The following MSH3 variants were observed in gnomAD, a reference collection of about 807,000 sequenced individuals.
MSH3 encodes DNA mismatch repair protein Msh3.
In MSH3, 106 loss-of-function variants were observed where a neutral mutation model predicts 123.3. That is an observed-to-expected ratio of 0.86 (90% CI 0.73 to 1.01). The LOEUF (loss-of-function observed/expected upper bound fraction) is 1.01, where lower values mean the gene tolerates loss of function less well. Ranked by LOEUF, MSH3 falls within the 50% of genes least tolerant of loss-of-function variation. The probability of loss-of-function intolerance (pLI) is 0.00; values close to 1 mark genes in which losing one functional copy is unlikely to be tolerated. For synonymous variants in MSH3, 515 were observed against 481.4 expected, an observed-to-expected ratio of 1.07 and a Z score of -0.91; for missense variants, 1,459 against 1,347.6, an observed-to-expected ratio of 1.08 and a Z score of -1.29.
intron 19 of MSH3, among the ~76,000 whole-genome samples, chr5:80,809,688 G>A (rs33000): frequency 0.85 from 128,728 of 152,166 alleles, 54,525 homozygotes; most frequent in East Asian, 1. Context: ...CTCTGGCATT[G>A]CATTCTTACA....
rs1561458052 is a variant in MSH3, at chr5:80,729,429, A to ATGTGTGTGTGTGTGT, written c.1568+464_1568+465insTGTGTGTGTGTGTGT. On this transcript the variant is annotated intron_variant, in intron 10 of 23. Transcript: ENST00000265081. ...ACTCCGTCCCAAAAAAAAAAAAAAA[A>ATGTGTGTGTGTGTGT]ATGTGTGTGTGTGTGTGTGTGTGTG... Among the ~76,000 whole-genome samples, 447 of 62,338 alleles carry ATGTGTGTGTGTGTGT rather than the reference A, an allele frequency of 7.2e-3. 3 individuals are homozygous for ATGTGTGTGTGTGTGT. The highest frequency in any genetic ancestry group is 0.03 in the African/African-American group (415 of 13,908). 40.9% of individuals were successfully genotyped at this position (62,338 alleles called of 152,430 possible).
intron 19 of MSH3, among the ~76,000 whole-genome samples, chr5:80,802,688 T>C (rs1164699710): frequency 6.6e-6 from 1 of 152,196 alleles, no homozygotes; most frequent in African/African-American, 2.4e-5. Flanking sequence ...TAACTATATG[T>C]TTGTACCCAA....
chr5:80,814,256 GTTATT>G (rs1408301241), intron 20 of MSH3, among the ~76,000 whole-genome samples: 2 of 151,774 alleles, frequency 1.3e-5, no homozygotes, highest in African/African-American at 2.4e-5. Context: ...TAATTATTGA[GTTATT>G]TTATTTTATT....
intron 8 of MSH3, among the ~76,000 whole-genome samples, chr5:80,720,403 T>A (rs1188792019): frequency 1.3e-5 from 2 of 152,196 alleles, no homozygotes; most frequent in African/African-American, 4.8e-5. Context: ...CTTTTGTATT[T>A]GTTACTTTCT....
rs569378496 is a variant in MSH3, at chr5:80,710,699, G to A, written c.1341-14754G>A. Among the ~76,000 whole-genome samples, 13 of 147,666 alleles carry A rather than the reference G, an allele frequency of 8.8e-5. No homozygotes were observed. The Middle Eastern group carries it at 0.011, about 122-fold the overall frequency. Reference sequence around the variant, plus strand: ...TCTGGGGTATAGTATGTGTAGATTCGTGGTAAAAAGACTTGGGATTGTGAG... The same window carrying A: ...TCTGGGGTATAGTATGTGTAGATTCATGGTAAAAAGACTTGGGATTGTGAG... On this transcript the variant is annotated intron_variant, in intron 8 of 23. Coordinates refer to ENST00000265081, the MANE Select transcript of MSH3 (RefSeq NM_002439.5).
At chr5:80,741,619 G>GT (rs1234235887) in intron 11 of MSH3, 71 bp downstream of exon 11, 2 of 1,024,142 alleles carry the variant, frequency 2.0e-6, no homozygotes, top group Non-Finnish European at 3.1e-6. Flanking sequence ...GCAGCAGTCT[G>GT]TTTTTAGAGG....
At chr5:80,851,816 A>G (rs532465302) in intron 20 of MSH3, among the ~76,000 whole-genome samples, 2 of 152,288 alleles carry the variant, frequency 1.3e-5, no homozygotes, top group African/African-American at 4.8e-5. Flanking sequence ...ATTAGCTAGC[A>G]TCTTTTTCAT....
chr5:80,691,887 G>GTGTATACGTTTATATAGATAAACA (rs1750267916), intron 8 of MSH3, among the ~76,000 whole-genome samples: 1 of 127,818 alleles, frequency 7.8e-6, no homozygotes, highest in Non-Finnish European at 1.6e-5. Flanking sequence ...ATAGATAAAC[G>GTGTATACGTTTATATAGATAAACA]TGTATATGTT....
intron 19 of MSH3, among the ~76,000 whole-genome samples, chr5:80,804,655 C>T (rs1286647262): frequency 6.6e-6 from 1 of 152,186 alleles, no homozygotes; most frequent in East Asian, 1.9e-4. Context: ...TGCTGAGCCA[C>T]CTAGAGCTGA....
intron 8 of MSH3, among the ~76,000 whole-genome samples, chr5:80,699,896 G>T (rs550927720): frequency 1.3e-5 from 2 of 152,116 alleles, no homozygotes; most frequent in East Asian, 1.9e-4. Flanking sequence ...CCCCTCTGGC[G>T]CTTGAAACCT....
At chr5:80,729,832 C>A (rs1378567209) in intron 10 of MSH3, among the ~76,000 whole-genome samples, 1 of 152,154 alleles carries the variant, frequency 6.6e-6, no homozygotes, top group Non-Finnish European at 1.5e-5. Context: ...TCACCAGCCC[C>A]TTGTCTTTGG....
chr5:80,781,478 CTTT>C (rs71659599), intron 17 of MSH3, among the ~76,000 whole-genome samples: 1 of 142,606 alleles, frequency 7.0e-6, no homozygotes, highest in Non-Finnish European at 1.5e-5. Flanking sequence ...TTACCAAGTT[CTTT>C]TTTTTTTTTT....
At chr5:80,753,362 C>A (rs1213376011) in intron 12 of MSH3, among the ~76,000 whole-genome samples, 3 of 152,160 alleles carry the variant, frequency 2.0e-5, no homozygotes, top group Admixed American at 6.6e-5. Flanking sequence ...CCTGTGTTTT[C>A]TTTTGCCTGT....
intron 8 of MSH3, among the ~76,000 whole-genome samples, chr5:80,721,108 C>G (rs889457744): frequency 6.6e-6 from 1 of 152,146 alleles, no homozygotes; most frequent in Non-Finnish European, 1.5e-5. Flanking sequence ...TACAGGATAT[C>G]TTACAATATA....
At chr5:80,655,857 C>T (rs1191102107) in intron 1 of MSH3, among the ~76,000 whole-genome samples, 1 of 152,142 alleles carries the variant, frequency 6.6e-6, no homozygotes, top group Admixed American at 6.5e-5. Flanking sequence ...ATTTTGCACC[C>T]ACCATTTAAA....
chr5:80,821,866 C>G (rs1388390820), intron 20 of MSH3, among the ~76,000 whole-genome samples: 1 of 152,220 alleles, frequency 6.6e-6, no homozygotes, highest in African/African-American at 2.4e-5. Context: ...TGGTACATCA[C>G]CCTCACAGGA....
At chr5:80,696,525 C>G (rs973665812) in intron 8 of MSH3, among the ~76,000 whole-genome samples, 9 of 152,106 alleles carry the variant, frequency 5.9e-5, no homozygotes, top group Non-Finnish European at 1.3e-4. Flanking sequence ...TTTTCAGCTC[C>G]AAGTCTGGGT....
chr5:80,870,190 A>AT (rs1213918793), intron 22 of MSH3, among the ~76,000 whole-genome samples: 1 of 151,638 alleles, frequency 6.6e-6, no homozygotes, highest in Admixed American at 6.6e-5. Context: ...AAAAAAAAAA[A>AT]AAAATTCATT....
In MSH3 at chr5:80,874,243, C is replaced by A. The variant is rs143428410; in HGVS notation, c.3302+956C>A. ...AAAGAAACAGTTGCTAACTTGTTTA[C>A]CAAAGTACAGTAGTGCAGTTAACTT... On this transcript the variant is annotated intron_variant, in intron 23 of 23. Transcript: ENST00000265081. Among the ~76,000 whole-genome samples, 443 of 152,230 alleles carry A rather than the reference C, an allele frequency of 2.9e-3. 4 individuals carry two copies. Among genetic ancestry groups the A allele is most frequent in the African/African-American group, 0.01 (419 of 41,536 alleles).
Sources: gnomAD v4.1 joint callset for allele counts (sites outside exome capture counted in the v4.1 genomes callset) on GRCh38, gnomAD v4.1.1 for gene constraint, MANE v1.5 for transcripts, NCBI Gene and HGNC (gene_info 2026-07-23, HGNC 2026-07-21) for gene names.